Variants in SUSD4 observed in about 807,000 individuals in gnomAD.
SUSD4 encodes sushi domain-containing protein 4.
A neutral mutation model predicts 50.5 loss-of-function variants in SUSD4; 41 were observed. The ratio of observed to expected loss-of-function variants is 0.81; its 90% CI spans 0.63 to 1.05. The LOEUF (loss-of-function observed/expected upper bound fraction) is 1.05. Among genes scored for constraint, SUSD4 ranks in the 50% least tolerant of loss-of-function variants. The pLI, the probability that SUSD4 is intolerant of heterozygous loss-of-function variation, is 0.00. For synonymous variants in SUSD4, 257 were observed against 257.3 expected, an observed-to-expected ratio of 1.00 and a Z score of 0.01; for missense variants, 580 against 634.7, an observed-to-expected ratio of 0.91 and a Z score of 0.93.
chr1:223,359,767 C>A lies in SUSD4; in HGVS notation c.148+3511G>T, dbSNP rs149215636. 2.4e-4 allele frequency among the ~76,000 whole-genome samples: 36 copies of A among 151,940 alleles called. 1 individual carries two copies. The East Asian group carries it at 5.6e-3, about 24-fold the overall frequency. On this transcript the variant is annotated intron_variant, in intron 2 of 8. Transcript: ENST00000366878. The stretch of plus-strand genomic sequence containing the variant: ...AGGGTTACAGCTAGTGCAATGGGAG[C>A]CCAAGTAAGGGAAGAACTTACTGAC...
At chr1:223,262,209 A>T (rs1412745133) in intron 5 of SUSD4, among the ~76,000 whole-genome samples, 1 of 152,220 alleles carries the variant, frequency 6.6e-6, no homozygotes, top group African/African-American at 2.4e-5. Flanking sequence ...GGAACGGGAA[A>T]GGGACAGAAA....
intron 3 of SUSD4, among the ~76,000 whole-genome samples, chr1:223,271,430 G>A (rs774993412): frequency 6.6e-6 from 1 of 152,198 alleles, no homozygotes; most frequent in Non-Finnish European, 1.5e-5. Context: ...CAGGGTTAGA[G>A]GGAATTCACA....
intron 5 of SUSD4, among the ~76,000 whole-genome samples, chr1:223,254,799 T>C (rs1661579883): frequency 6.6e-6 from 1 of 152,182 alleles, no homozygotes. Flanking sequence ...CAATTACTTA[T>C]TGTAAAAGAA....
In SUSD4 at chr1:223,229,788, G is replaced by C. The variant is rs969111690; in HGVS notation, c.725-400C>G. 2.0e-5 allele frequency among the ~76,000 whole-genome samples: 3 copies of C among 152,188 alleles called. No individual in the cohort carries two copies. Among genetic ancestry groups the C allele is most frequent in the African/African-American group, 7.2e-5 (3 of 41,438 alleles). The stretch of plus-strand genomic sequence containing the variant: ...TTACTGAAAGGCATAGTTATCCCAA[G>C]CCTGTTTCTGTGACCACAGTAGTAA... On this transcript the variant is annotated intron_variant, in intron 5 of 8. Coordinates refer to ENST00000366878, the MANE Select transcript of SUSD4 (RefSeq NM_017982.4). The surrounding 1 kb of genome is among the most constrained non-coding windows in gnomAD (Gnocchi z 4.7).
rs1357840239 is a variant in SUSD4, at chr1:223,223,463, G to T, written c.1230C>A (p.Ser410Arg). Residue 410 changes from serine (S) to arginine (R), a missense_variant, in exon 8 of 9, where the codon AGC (serine) becomes AGA (arginine). Physicochemically the swap from Ser to Arg is moderately radical, Grantham distance 110. Transcript: ENST00000366878. ...QGCPLPVDDQ[S>R]PPAYPGSGDT... ...CCCCTGAGCCGGGGTATGCTGGGGG[G>T]CTCTGGTCGTCCACGGGTAAGGGGC... The T allele has an allele frequency of 6.2e-7, 1 of 1,613,870 alleles. No homozygotes were observed. The highest frequency in any genetic ancestry group is 1.3e-5 in the African/African-American group (1 of 74,944).
intron 3 of SUSD4, among the ~76,000 whole-genome samples, chr1:223,282,730 A>C (rs1663833999): frequency 1.3e-5 from 2 of 152,228 alleles, no homozygotes; most frequent in South Asian, 4.1e-4. Context: ...ACAGAATTGG[A>C]AAAAACTACT....
intron 3 of SUSD4, among the ~76,000 whole-genome samples, chr1:223,284,260 C>A (rs1463313473): frequency 6.6e-6 from 1 of 152,184 alleles, no homozygotes; most frequent in Non-Finnish European, 1.5e-5. Flanking sequence ...CAGTCCCCTG[C>A]ATGAACAGAT....
At chr1:223,250,126 A>C (rs1000248445) in intron 5 of SUSD4, among the ~76,000 whole-genome samples, 1 of 152,182 alleles carries the variant, frequency 6.6e-6, no homozygotes, top group Non-Finnish European at 1.5e-5. Flanking sequence ...TCTTATTTTC[A>C]TTTTCATTCA....
At chr1:223,303,261 A>G (rs1665305674) in intron 2 of SUSD4, among the ~76,000 whole-genome samples, 1 of 152,208 alleles carries the variant, frequency 6.6e-6, no homozygotes, top group African/African-American at 2.4e-5. Context: ...GGAAAACTTC[A>G]GCTCTTGGTT....
chr1:223,234,793 A>T, intron 5 of SUSD4: 1 of 900,512 alleles, frequency 1.1e-6, no homozygotes, highest in Non-Finnish European at 1.6e-6. Flanking sequence ...TCTGAGATAC[A>T]CACTAAAATA....
In SUSD4 at chr1:223,231,560, T is replaced by G. The variant is rs1306321397; in HGVS notation, c.725-2172A>C. Among the ~76,000 whole-genome samples, 1 of 152,140 alleles carries G rather than the reference T, an allele frequency of 6.6e-6. No individual in the cohort carries two copies. The highest frequency in any genetic ancestry group is 1.9e-4 in the East Asian group (1 of 5,186). ...AAACAGGGGCTCTTTTCAAGTTTGCTACCACCAGGGTGCTCTGGGAGCATC... is the reference window on the plus strand; with the variant it reads ...AAACAGGGGCTCTTTTCAAGTTTGCGACCACCAGGGTGCTCTGGGAGCATC... On this transcript the variant is annotated intron_variant, in intron 5 of 8. Coordinates refer to ENST00000366878, the MANE Select transcript of SUSD4 (RefSeq NM_017982.4). The surrounding 1 kb of genome is among the most constrained non-coding windows in gnomAD (Gnocchi z 4.2).
chr1:223,296,707 T>C (rs530107571), intron 2 of SUSD4, among the ~76,000 whole-genome samples: 28 of 152,268 alleles, frequency 1.8e-4, no homozygotes, highest in African/African-American at 5.3e-4. Context: ...TAGGAGGTAA[T>C]TGAATTATGG....
chr1:223,284,916 G>C (rs563498654), intron 3 of SUSD4, among the ~76,000 whole-genome samples: 1 of 152,274 alleles, frequency 6.6e-6, no homozygotes, highest in African/African-American at 2.4e-5. Flanking sequence ...GTCACAGATA[G>C]ATAGGAGGAA....
At chr1:223,330,910 A>T (rs1391092467) in intron 2 of SUSD4, among the ~76,000 whole-genome samples, 1 of 152,184 alleles carries the variant, frequency 6.6e-6, no homozygotes, top group Non-Finnish European at 1.5e-5. Context: ...AGATGGAAGG[A>T]TGGCAGAGAG....
intron 2 of SUSD4, among the ~76,000 whole-genome samples, chr1:223,359,571 A>T (rs1358170042): frequency 6.6e-6 from 1 of 152,214 alleles, no homozygotes; most frequent in Non-Finnish European, 1.5e-5. Context: ...TATTTTCTAA[A>T]TGGTGTGGCA....
chr1:223,321,330 G>A (rs2103246562), intron 2 of SUSD4, among the ~76,000 whole-genome samples: 1 of 152,268 alleles, frequency 6.6e-6, no homozygotes, highest in Non-Finnish European at 1.5e-5. Flanking sequence ...GTGTGACTTG[G>A]GGCAAGTCAA....
rs1571812680 is a variant in SUSD4 at position 223,222,159 on chromosome 1, G to T, written c.*33C>A. ...CAAGATACAAGGTCCTTTCCCCGAA[G>T]GAGCAGGAGAGTCATCTGGATCTTG... On this transcript the variant is annotated 3_prime_UTR_variant, in exon 9 of 9. Transcript: ENST00000366878. The T allele has an allele frequency of 6.2e-7, 1 of 1,608,686 alleles. No homozygotes were observed. The highest frequency in any genetic ancestry group is 1.3e-5 in the African/African-American group (1 of 74,628).
At chr1:223,353,763 C>T (rs533489700) in intron 2 of SUSD4, among the ~76,000 whole-genome samples, 3 of 152,232 alleles carry the variant, frequency 2.0e-5, no homozygotes, top group South Asian at 2.1e-4. Flanking sequence ...GCAGGGATGA[C>T]GCCCCCTGGC....
chr1:223,248,005 T>G (rs532367420), intron 5 of SUSD4, among the ~76,000 whole-genome samples: 1 of 152,346 alleles, frequency 6.6e-6, no homozygotes, highest in African/African-American at 2.4e-5. Context: ...CTGTCCATTT[T>G]GGGATCAACT....
Sources: gnomAD v4.1 joint callset for allele counts (sites outside exome capture counted in the v4.1 genomes callset) on GRCh38, gnomAD v4.1.1 for gene constraint, Gnocchi (gnomAD v3.1) non-coding constraint, MANE v1.5 for transcripts, NCBI Gene and HGNC (gene_info 2026-07-23, HGNC 2026-07-21) for gene names.